Variants in OR6N1 observed in about 807,000 individuals in gnomAD.
The protein encoded by OR6N1 is olfactory receptor family 6 subfamily N member 1, also known as olfactory receptor 6N1.
For synonymous variants in OR6N1, 170 were observed against 150.7 expected (o/e 1.13, Z -0.94); for missense variants, 394 against 371.7 (o/e 1.06, Z -0.49).
chr1:158,819,997 C>T, the OR6N1 span, among the ~76,000 whole-genome samples: 2 of 152,282 alleles, frequency 1.3e-5, no homozygotes, highest in African/African-American at 4.8e-5. Flanking sequence ...CAGCCATGAA[C>T]AGAGATTTAC....
chr1:158,810,217 C>T, the OR6N1 span, among the ~76,000 whole-genome samples: 1 of 152,164 alleles, frequency 6.6e-6, no homozygotes, highest in Non-Finnish European at 1.5e-5. Flanking sequence ...TTTCCTCCCA[C>T]ACCCTAATAA....
the OR6N1 span, among the ~76,000 whole-genome samples, chr1:158,816,524 T>C: frequency 6.6e-6 from 1 of 151,962 alleles, no homozygotes; most frequent in African/African-American, 2.4e-5. Context: ...ACCCTGTCCT[T>C]ATGAAAAATT....
the OR6N1 span, among the ~76,000 whole-genome samples, chr1:158,799,995 G>A: frequency 2.0e-5 from 3 of 152,050 alleles, no homozygotes; most frequent in Admixed American, 2.0e-4. Flanking sequence ...AAAAAAAGAA[G>A]CCAAAAGGTA....
intron 1 of OR6N1, among the ~76,000 whole-genome samples, chr1:158,770,114 C>T (rs1012651690): frequency 6.6e-6 from 1 of 151,876 alleles, no homozygotes; most frequent in Non-Finnish European, 1.5e-5. Context: ...GACTGTGAGC[C>T]CTTAACTAAA....
chr1:158,815,916 G>A, the OR6N1 span, among the ~76,000 whole-genome samples: 1 of 152,100 alleles, frequency 6.6e-6, no homozygotes, highest in Non-Finnish European at 1.5e-5. Context: ...AGCACTTTGG[G>A]AGGCCGAGGT....
chr1:158,766,495 A>G lies in OR6N1; in HGVS notation c.188T>C (p.Val63Ala), dbSNP rs1657274472. 6.2e-7 allele frequency: 1 copy of G among 1,614,212 alleles called. No individual in the cohort carries two copies. Among genetic ancestry groups the G allele is most frequent in the Non-Finnish European group, 8.5e-7 (1 of 1,180,034 alleles). Reference protein sequence around the residue: ...SRLHTPMYHFVSILSFSELGY... With the variant: ...SRLHTPMYHFASILSFSELGY... Reference sequence around the variant, plus strand: ...AAGCTCTGAGAAGGAGAGAATGCTGACAAAGTGGTACATGGGTGTGTGAAG... The same window carrying G: ...AAGCTCTGAGAAGGAGAGAATGCTGGCAAAGTGGTACATGGGTGTGTGAAG... Residue 63 changes from valine (V) to alanine (A), a missense_variant, in exon 2 of 2, where the codon GTC (valine) becomes GCC (alanine). Physicochemically the swap from Val to Ala is moderately conservative, Grantham distance 64. Coordinates refer to ENST00000641846, the MANE Select transcript of OR6N1 (RefSeq NM_001005185.2).
the OR6N1 span, among the ~76,000 whole-genome samples, chr1:158,802,124 C>T: frequency 1.3e-5 from 2 of 151,852 alleles, no homozygotes; most frequent in African/African-American, 2.4e-5. Context: ...CTGCAACCCT[C>T]ACTGGCTCTA....
the OR6N1 span, among the ~76,000 whole-genome samples, chr1:158,795,204 T>G: frequency 6.6e-6 from 1 of 152,296 alleles, no homozygotes; most frequent in African/African-American, 2.4e-5. Flanking sequence ...TAAGCCCCAC[T>G]TAGCTCTCAC....
At chr1:158,771,113 A>G (rs1291409463) in intron 1 of OR6N1, among the ~76,000 whole-genome samples, 2 of 152,190 alleles carry the variant, frequency 1.3e-5, no homozygotes, top group Non-Finnish European at 2.9e-5. Flanking sequence ...TCTTTTGTCA[A>G]TCTGAAGACA....
chr1:158,799,724 T>C, the OR6N1 span, among the ~76,000 whole-genome samples: 1 of 152,150 alleles, frequency 6.6e-6, no homozygotes, highest in Admixed American at 6.5e-5. Flanking sequence ...TTAAGCGACA[T>C]CATGGGATGG....
At chr1:158,796,138 C>T in the OR6N1 span, 12 of 152,276 alleles carry the variant, frequency 7.9e-5, 1 homozygote, top group East Asian at 2.3e-3. Context: ...TCATAAAACC[C>T]ATCATCTCCA....
chr1:158,795,753 C>CT, the OR6N1 span, among the ~76,000 whole-genome samples: 2 of 152,220 alleles, frequency 1.3e-5, no homozygotes, highest in Non-Finnish European at 2.9e-5. Flanking sequence ...AGTCTCCCCA[C>CT]TGTGGGAATG....
the OR6N1 span, among the ~76,000 whole-genome samples, chr1:158,783,736 A>T: frequency 1.3e-5 from 2 of 152,240 alleles, no homozygotes; most frequent in Middle Eastern, 3.4e-3. Flanking sequence ...ATTTTTTTCA[A>T]CACCATCATT....
the OR6N1 span, among the ~76,000 whole-genome samples, chr1:158,810,233 A>G: frequency 6.6e-6 from 1 of 152,156 alleles, no homozygotes; most frequent in Non-Finnish European, 1.5e-5. Context: ...AATAAGCCTC[A>G]TTCAGGAAGG....
the OR6N1 span, among the ~76,000 whole-genome samples, chr1:158,823,713 A>G: frequency 6.7e-6 from 1 of 148,624 alleles, no homozygotes; most frequent in Non-Finnish European, 1.5e-5. Flanking sequence ...AGTTTCCTTT[A>G]ATCCAGCTCT....
chr1:158,789,394 T>C, the OR6N1 span, among the ~76,000 whole-genome samples: 6 of 152,314 alleles, frequency 3.9e-5, no homozygotes, highest in East Asian at 9.6e-4. Context: ...AGTTCTGTAT[T>C]TAGTTTTACG....
chr1:158,824,230 T>C, the OR6N1 span, among the ~76,000 whole-genome samples: 33 of 152,160 alleles, frequency 2.2e-4, no homozygotes, highest in African/African-American at 7.7e-4. Context: ...GATCTGATGG[T>C]TTTATAAGGG....
chr1:158,766,692 T>C lies in OR6N1; in HGVS notation c.-10A>G. ...AGTTCCCTGTGTCCATTGCTCACCATTCATGTCCCTAGATGTGAAGTGTGG... is the reference window on the plus strand; with the variant it reads ...AGTTCCCTGTGTCCATTGCTCACCACTCATGTCCCTAGATGTGAAGTGTGG... On this transcript the variant is annotated 5_prime_UTR_variant, in exon 2 of 2. It removes an upstream start codon present in the reference 5' UTR. Transcript: ENST00000641846. The C allele has an allele frequency of 1.3e-6, 2 of 1,594,374 alleles. No individual in the cohort carries two copies. Among genetic ancestry groups the C allele is most frequent in the Non-Finnish European group, 1.7e-6 (2 of 1,169,104 alleles).
the OR6N1 span, among the ~76,000 whole-genome samples, chr1:158,802,942 T>C: frequency 6.6e-6 from 1 of 152,174 alleles, no homozygotes; most frequent in Non-Finnish European, 1.5e-5. Flanking sequence ...GTGTTCTCTG[T>C]GGGCATGTAC....
Sources: gnomAD v4.1 joint callset for allele counts (sites outside exome capture counted in the v4.1 genomes callset) on GRCh38, gnomAD v4.1.1 for gene constraint, MANE v1.5 for transcripts, NCBI Gene and HGNC (gene_info 2026-07-23, HGNC 2026-07-21) for gene names.